The following EIF3C variants were observed in gnomAD, a reference collection of about 807,000 sequenced individuals.
The protein encoded by EIF3C is cell migration-inducing protein 17.
EIF3C carries 2 observed loss-of-function variants against 11.1 expected under a neutral mutation model. The ratio of observed to expected loss-of-function variants is 0.18; its 90% CI spans 0.07 to 0.57. The LOEUF (loss-of-function observed/expected upper bound fraction) is 0.57, where lower values mean the gene tolerates loss of function less well. Ranked by LOEUF, EIF3C falls within the 20% of genes least tolerant of loss-of-function variation. The pLI is 0.92. For synonymous variants in EIF3C, 2 were observed against 41.5 expected (o/e 0.05, Z 3.66); for missense variants, 16 against 114.6 (o/e 0.14, Z 3.93).
intron 15 of EIF3C, among the ~76,000 whole-genome samples, chr16:28,729,759 C>T (rs985650135): frequency 7.0e-6 from 1 of 142,312 alleles, no homozygotes; most frequent in African/African-American, 2.6e-5. Flanking sequence ...CCCATACTAT[C>T]TTCATTGCTG....
chr16:28,696,920 C>T (rs1346223293), intron 1 of EIF3C, among the ~76,000 whole-genome samples: 1 of 50,416 alleles, frequency 2.0e-5, no homozygotes, highest in African/African-American at 1.5e-4. Flanking sequence ...TTTTTTACCC[C>T]GCACAGAGGC....
intron 1 of EIF3C, chr16:28,700,719 C>G: frequency 6.9e-6 from 1 of 145,102 alleles, no homozygotes; most frequent in Non-Finnish European, 1.2e-5. Context: ...CAGAAGCAGA[C>G]CCGGGGGACC....
At chr16:28,697,831 C>G (rs1260358054) in intron 1 of EIF3C, among the ~76,000 whole-genome samples, 22 of 86,904 alleles carry the variant, frequency 2.5e-4, no homozygotes, top group South Asian at 7.9e-4. Context: ...TGACCCCCCC[C>G]ACCTCCCTCC....
At chr16:28,722,962 T>C in intron 8 of EIF3C, 1 of 730,330 alleles carries the variant, frequency 1.4e-6, no homozygotes, top group Admixed American at 3.0e-5. Context: ...TTGTTTCTAT[T>C]AATATGTCTA....
chr16:28,707,078 CTTTTTTT>C (rs1165801182), upstream of EIF3C, among the ~76,000 whole-genome samples: 7 of 21,408 alleles, frequency 3.3e-4, 1 homozygote, highest in Admixed American at 6.3e-4. Context: ...TTTTCTTTCC[CTTTTTTT>C]TTTTTTTTTT....
chr16:28,699,639 G>T (rs1241078951), intron 1 of EIF3C, among the ~76,000 whole-genome samples: 1 of 91,754 alleles, frequency 1.1e-5, no homozygotes, highest in Non-Finnish European at 2.1e-5. Flanking sequence ...CATCTTCCAG[G>T]TTCAAGTGAT....
chr16:28,697,062 T>A (rs2048242501), intron 1 of EIF3C, among the ~76,000 whole-genome samples: 1 of 33,102 alleles, frequency 3.0e-5, no homozygotes, highest in Non-Finnish European at 5.1e-5. Flanking sequence ...CCTCCTTGGT[T>A]CAAGAGATAC....
chr16:28,698,569 G>A lies in EIF3C; in HGVS notation c.-31+9741G>A, dbSNP rs542796474. ...CTCCCTCCCGGACGGGGTGGCTGCC[G>A]GGCGGAGACGCTCCTCACTTCCCAG... On this transcript the variant is annotated intron_variant, in intron 1 of 20. Transcript: ENST00000566501. Among the ~76,000 whole-genome samples the A allele has an allele frequency of 1.1e-4, 11 of 96,198 alleles. 2 individuals carry two copies. Among genetic ancestry groups the A allele is most frequent in the South Asian group, 5.6e-4 (1 of 1,784 alleles). 63.1% of individuals were successfully genotyped at this position (96,198 alleles called of 152,430 possible). A position where few individuals can be genotyped will look rare whatever the true frequency, so the allele number is the denominator to read the frequency against.
At chr16:28,727,978 C>G (rs2151799518) in intron 15 of EIF3C, among the ~76,000 whole-genome samples, 1 of 56,758 alleles carries the variant, frequency 1.8e-5, no homozygotes, top group South Asian at 5.4e-4. Flanking sequence ...TCCCGAGTAG[C>G]TGGGATTACA....
rs888255843 is a variant in EIF3C at position 28,729,956 on chromosome 16, CAAAAA to C, written c.1819-1872_1819-1868del. 2.0e-5 allele frequency among the ~76,000 whole-genome samples: 3 copies of C among 150,528 alleles called. 1 individual carries two copies. Among genetic ancestry groups the C allele is most frequent in the African/African-American group, 7.3e-5 (3 of 40,928 alleles). On this transcript the variant is annotated intron_variant, in intron 15 of 20. Coordinates refer to ENST00000331666, the MANE Select transcript of EIF3C (RefSeq NM_003752.5). ...CCTGGGCAACAGAGCAAGACTGTCT[CAAAAA>C]GAAAAGAAATACCCGGTTACTTCTC...
chr16:28,729,867 G>A (rs1340573802), intron 15 of EIF3C, among the ~76,000 whole-genome samples: 2 of 150,484 alleles, frequency 1.3e-5, no homozygotes, highest in East Asian at 3.9e-4. Context: ...GGCTGAGGTA[G>A]GAGGATTGCT....
rs2048357812 is a variant in EIF3C at position 28,723,297 on chromosome 16, G to T, written c.910G>T (p.Val304Phe). 1 of 1,614,300 alleles carries T rather than the reference G, an allele frequency of 6.2e-7. No homozygotes were observed. The highest frequency in any genetic ancestry group is 2.2e-5 in the East Asian group (1 of 44,896). Residue 304 changes from valine to phenylalanine, a missense_variant, in exon 9 of 21, where the codon GTC (valine) becomes TTC (phenylalanine). Val to Phe is a conservative substitution (Grantham distance 50). Coordinates refer to ENST00000331666, the MANE Select transcript of EIF3C (RefSeq NM_003752.5). ...EDNEGGEWER[V>F]RGGVPLVKEK... Reference sequence around the variant, plus strand: ...CAATGAAGGCGGGGAGTGGGAAAGGGTCCGGGGCGGAGTGCCGTTGGTTAA... The same window carrying T: ...CAATGAAGGCGGGGAGTGGGAAAGGTTCCGGGGCGGAGTGCCGTTGGTTAA...
At chr16:28,729,915 C>T (rs451689) in intron 15 of EIF3C, among the ~76,000 whole-genome samples, 5,773 of 149,546 alleles carry the variant, frequency 0.039, 375 homozygotes, top group Non-Finnish European at 0.044. Flanking sequence ...GCCACGATCA[C>T]GCCACTGCAC....
Position 28,698,568 on chromosome 16 carries a change from CGGGCGG to C in EIF3C, c.-31+9741_-31+9746del, listed in dbSNP as rs1405043134. Among the ~76,000 whole-genome samples the C allele has an allele frequency of 1.1e-4, 11 of 95,818 alleles. 2 individuals carry two copies. Among genetic ancestry groups the C allele is most frequent in the Non-Finnish European group, 1.9e-4 (10 of 53,818 alleles). The allele number at this position is 95,818 out of a possible 152,430, so 62.9% of individuals were successfully genotyped here. On this transcript the variant is annotated intron_variant, in intron 1 of 20. Transcript: ENST00000566501. ...CCTCCCTCCCGGACGGGGTGGCTGC[CGGGCGG>C]AGACGCTCCTCACTTCCCAGATGGG...
rs1461448868 is a variant in EIF3C at position 28,696,229 on chromosome 16, G to A, written c.-31+7401G>A. Reference sequence around the variant, plus strand: ...AAAAGTACAAAAATTAGCCGAGTGTGGTGGCAGGTGCCTGTAATCCTGGCT... The same window carrying A: ...AAAAGTACAAAAATTAGCCGAGTGTAGTGGCAGGTGCCTGTAATCCTGGCT... On this transcript the variant is annotated intron_variant, in intron 1 of 20. Coordinates refer to the EIF3C transcript ENST00000566501. Among the ~76,000 whole-genome samples the A allele has an allele frequency of 3.3e-5, 2 of 59,890 alleles. 1 individual carries two copies. The highest frequency in any genetic ancestry group is 5.9e-5 in the Non-Finnish European group (2 of 33,928). The allele number at this position is 59,890 out of a possible 152,430, so 39.3% of individuals were successfully genotyped here.
At position 28,723,342 on chromosome 16, in the gene EIF3C, A is replaced by G; in HGVS notation, c.936+19A>G. 6.2e-7 allele frequency: 1 copy of G among 1,613,134 alleles called. No homozygotes were observed. The highest frequency in any genetic ancestry group is 1.7e-4 in the Middle Eastern group (1 of 6,056). The stretch of plus-strand genomic sequence containing the variant: ...GGTTAAGGTGAGGGTTTCAGAGGTA[A>G]AATGAATTGGGGAACAGTTTGGGAG... On this transcript the variant is annotated intron_variant, in intron 9 of 20. Coordinates refer to ENST00000331666, the MANE Select transcript of EIF3C (RefSeq NM_003752.5).
intron 8 of EIF3C, among the ~76,000 whole-genome samples, chr16:28,718,614 G>GTT (rs576228155): frequency 0.01 from 465 of 45,266 alleles, 1 homozygote; most frequent in Non-Finnish European, 0.013. Context: ...CTTGTTTAAA[G>GTT]TTTTTTTTTT....
At chr16:28,697,873 A>T (rs1378489728) in intron 1 of EIF3C, among the ~76,000 whole-genome samples, 4 of 67,866 alleles carry the variant, frequency 5.9e-5, no homozygotes, top group Non-Finnish European at 8.1e-5. Context: ...CGGGGGGCTG[A>T]CCCCCCAACC....
chr16:28,727,700 GTC>G lies in EIF3C; in HGVS notation c.1818+457_1818+458del, dbSNP rs1181255538. 1.7e-5 allele frequency among the ~76,000 whole-genome samples: 2 copies of G among 116,266 alleles called. 1 individual carries two copies. Among genetic ancestry groups the G allele is most frequent in the Non-Finnish European group, 4.0e-5 (2 of 50,072 alleles). 76.3% of individuals were successfully genotyped at this position (116,266 alleles called of 152,430 possible). A position where few individuals can be genotyped will look rare whatever the true frequency, so the allele number is the denominator to read the frequency against. On this transcript the variant is annotated intron_variant, in intron 15 of 20. Coordinates refer to ENST00000331666, the MANE Select transcript of EIF3C (RefSeq NM_003752.5). ...TTCTATGGTATGAACATATCACTGT[GTC>G]TGTTTTCCTCTTGGCGGACACCCAG...
Sources: allele counts gnomAD v4.1 joint callset (sites outside exome capture counted in the v4.1 genomes callset), GRCh38; gene constraint gnomAD v4.1.1; transcripts MANE v1.5; gene names NCBI Gene and HGNC (gene_info 2026-07-23, HGNC 2026-07-21).